The following HRH1 variants were observed in gnomAD, a reference collection of about 807,000 sequenced individuals.
HRH1 encodes histamine receptor H1.
In HRH1, 6 loss-of-function variants were observed where a neutral mutation model predicts 10.3. That is an observed-to-expected ratio of 0.58 (90% CI 0.32 to 1.15). The LOEUF (loss-of-function observed/expected upper bound fraction) is 1.15. HRH1 is among the 50% of genes most tolerant of loss of function. The pLI is 0.05. For missense variants in HRH1, 514 were observed against 615.3 expected (o/e 0.84, Z 1.74); for synonymous variants, 242 against 236.7 (o/e 1.02, Z -0.21).
intron 1 of HRH1, among the ~76,000 whole-genome samples, chr3:11,192,787 A>T (rs1465414999): frequency 6.6e-6 from 1 of 152,168 alleles, no homozygotes; most frequent in Non-Finnish European, 1.5e-5. Context: ...TAAGCAGATA[A>T]GATGGGCACT....
At chr3:11,201,643 T>G (rs1937912987) in intron 1 of HRH1, among the ~76,000 whole-genome samples, 1 of 152,066 alleles carries the variant, frequency 6.6e-6, no homozygotes, top group South Asian at 2.1e-4. Flanking sequence ...AAACAGCATA[T>G]CCTTAGACTA....
chr3:11,253,080 C>T (rs1392428970), intron 1 of HRH1: 2 of 152,192 alleles, frequency 1.3e-5, no homozygotes, highest in Admixed American at 1.3e-4. Context: ...TTTCATATTT[C>T]ACTTTTGTCT....
intron 1 of HRH1, among the ~76,000 whole-genome samples, chr3:11,148,804 C>T (rs1214552402): frequency 6.8e-6 from 1 of 146,634 alleles, no homozygotes; most frequent in African/African-American, 2.6e-5. Context: ...AGAGACAAAC[C>T]ACAGTCTTTT....
intron 1 of HRH1, among the ~76,000 whole-genome samples, chr3:11,160,967 T>C (rs2125008305): frequency 6.6e-6 from 1 of 152,288 alleles, no homozygotes; most frequent in African/African-American, 2.4e-5. Context: ...CCCTAGAGTA[T>C]CAATGGGAAG....
At chr3:11,160,954 G>A (rs1936909801) in intron 1 of HRH1, among the ~76,000 whole-genome samples, 1 of 152,230 alleles carries the variant, frequency 6.6e-6, no homozygotes, top group Admixed American at 6.5e-5. Flanking sequence ...GGATAGTGCA[G>A]TACCCTAGAG....
chr3:11,199,696 G>C (rs970349847), intron 1 of HRH1, among the ~76,000 whole-genome samples: 1 of 152,160 alleles, frequency 6.6e-6, no homozygotes, highest in African/African-American at 2.4e-5. Context: ...ACACATTAGG[G>C]ACCCAGGCAT....
intron 1 of HRH1, among the ~76,000 whole-genome samples, chr3:11,223,767 A>T (rs940780595): frequency 7.9e-5 from 12 of 152,198 alleles, no homozygotes; most frequent in Admixed American, 1.3e-4. Flanking sequence ...AAAATCCCTA[A>T]TCTTGAGCAA....
chr3:11,185,130 C>A (rs548894150), intron 1 of HRH1, among the ~76,000 whole-genome samples: 1 of 151,492 alleles, frequency 6.6e-6, no homozygotes, highest in East Asian at 1.9e-4. Context: ...TGTGAAAAAA[C>A]ATTTGAAGTG....
intron 1 of HRH1, among the ~76,000 whole-genome samples, chr3:11,196,953 C>CAA (rs35134148): frequency 0.028 from 3,037 of 110,344 alleles, 61 homozygotes; most frequent in African/African-American, 0.062. Flanking sequence ...ACTAAAAATA[C>CAA]AAAAAAAAAA....
At chr3:11,252,952 G>A (rs879865627) in intron 1 of HRH1, among the ~76,000 whole-genome samples, 1 of 151,794 alleles carries the variant, frequency 6.6e-6, no homozygotes, top group Non-Finnish European at 1.5e-5. Context: ...GGGAGGGGAG[G>A]GGAGGAATTT....
chr3:11,260,889 T>C lies in HRH1; in HGVS notation c.*388T>C. 1 of 195,572 alleles carries C rather than the reference T, an allele frequency of 5.1e-6. No homozygotes were observed. The highest frequency in any genetic ancestry group is 1.2e-5 in the Non-Finnish European group (1 of 85,496). 12.1% of individuals were successfully genotyped at this position (195,572 alleles called of 1,614,324 possible). ...CTTTCCGAGTCAAGTGATTGACAAC[T>C]GAAGAGACACGTGGCTAGGGTTCCA... On this transcript the variant is annotated 3_prime_UTR_variant, in exon 2 of 2. Coordinates refer to ENST00000431010, the MANE Select transcript of HRH1 (RefSeq NM_001098212.2).
At chr3:11,248,897 G>T (rs1245481187) in intron 1 of HRH1, among the ~76,000 whole-genome samples, 1 of 152,238 alleles carries the variant, frequency 6.6e-6, no homozygotes, top group Non-Finnish European at 1.5e-5. Context: ...GTGGGAAGGG[G>T]ACAATTTGGG....
chr3:11,171,968 A>G (rs1443346484), intron 1 of HRH1, among the ~76,000 whole-genome samples: 1 of 152,228 alleles, frequency 6.6e-6, no homozygotes, highest in East Asian at 1.9e-4. Context: ...TGTAGGTGCT[A>G]CTTGGTTTCT....
intron 1 of HRH1, among the ~76,000 whole-genome samples, chr3:11,201,863 A>G (rs1937923515): frequency 6.6e-6 from 1 of 152,188 alleles, no homozygotes; most frequent in Non-Finnish European, 1.5e-5. Context: ...TTTTCCGAGA[A>G]GTTAAAGGAA....
intron 1 of HRH1, among the ~76,000 whole-genome samples, chr3:11,225,623 C>T (rs1355397027): frequency 6.6e-6 from 1 of 152,254 alleles, no homozygotes; most frequent in Non-Finnish European, 1.5e-5. Flanking sequence ...GTGACACCCA[C>T]AGTCTAGTGA....
chr3:11,259,967 G>T lies in HRH1; in HGVS notation c.930G>T (p.Met310Ile). 1 of 1,614,212 alleles carries T rather than the reference G, an allele frequency of 6.2e-7. No homozygotes were observed. Among genetic ancestry groups the T allele is most frequent in the East Asian group, 2.2e-5 (1 of 44,888 alleles). ...GCTTTCCACTTGATATTGTGCACAT[G>T]CAGGCTGCGGCAGAGGGGAGTAGCA... ...LYCFPLDIVH[M>I]QAAAEGSSRD... Residue 310 changes from methionine to isoleucine, a missense_variant, in exon 2 of 2, where the codon ATG becomes ATT. Coordinates refer to ENST00000431010, the MANE Select transcript of HRH1 (RefSeq NM_001098212.2). The surrounding 1 kb of genome is among the most constrained non-coding windows in gnomAD (Gnocchi z 4.6).
chr3:11,212,611 C>T (rs150185386), intron 1 of HRH1, among the ~76,000 whole-genome samples: 213 of 152,288 alleles, frequency 1.4e-3, no homozygotes, highest in Non-Finnish European at 2.1e-3. Context: ...CTTGTTAACT[C>T]ACATCTTGCC....
intron 1 of HRH1, among the ~76,000 whole-genome samples, chr3:11,258,624 G>A (rs1939848057): frequency 6.6e-6 from 1 of 152,192 alleles, no homozygotes; most frequent in Non-Finnish European, 1.5e-5. Flanking sequence ...GAACTGGATT[G>A]CTATATTCTG....
rs777824692 is a variant in HRH1 at position 11,259,765 on chromosome 3, A to T, written c.728A>T (p.Asn243Ile). 6.2e-7 allele frequency: 1 copy of T among 1,613,952 alleles called. No individual in the cohort carries two copies. Among genetic ancestry groups the T allele is most frequent in the South Asian group, 1.1e-5 (1 of 91,064 alleles). ...SFSEIKLRPE[N>I]PKGDAKKPGK... ...TCAGAAATTAAGCTGAGGCCAGAGAACCCCAAGGGGGATGCCAAGAAACCA... is the reference window on the plus strand; with the variant it reads ...TCAGAAATTAAGCTGAGGCCAGAGATCCCCAAGGGGGATGCCAAGAAACCA... The change falls in exon 2 of 2, where the codon AAC (asparagine) becomes ATC (isoleucine). Residue 243 changes from asparagine (N) to isoleucine (I), a missense_variant. By Grantham distance (149) the Asn-to-Ile change is moderately radical. Transcript: ENST00000431010. This position sits in a 1 kb window ranked among gnomAD's most constrained non-coding sequence, Gnocchi z 4.6.
Sources: gnomAD v4.1 joint callset for allele counts (sites outside exome capture counted in the v4.1 genomes callset) on GRCh38, gnomAD v4.1.1 for gene constraint, Gnocchi (gnomAD v3.1) non-coding constraint, MANE v1.5 for transcripts, NCBI Gene and HGNC (gene_info 2026-07-23, HGNC 2026-07-21) for gene names.